The following ST8SIA5 variants were observed in gnomAD, a reference collection of about 807,000 sequenced individuals.
ST8SIA5 encodes the protein ST8 alpha-N-acetyl-neuraminide alpha-2,8-sialyltransferase 5.
In ST8SIA5, 24 loss-of-function variants were observed where a neutral mutation model predicts 40.2. That is an observed-to-expected ratio of 0.60 (90% CI 0.43 to 0.84). ST8SIA5 has a LOEUF of 0.84. Among genes scored for constraint, ST8SIA5 ranks in the 40% least tolerant of loss-of-function variants. The pLI, the probability that ST8SIA5 is intolerant of heterozygous loss-of-function variation, is 0.00. For synonymous variants in ST8SIA5, 198 were observed against 201.8 expected (o/e 0.98, Z 0.16); for missense variants, 465 against 498.5 (o/e 0.93, Z 0.64).
chr18:46,755,383 A>C (rs1189898683), intron 1 of ST8SIA5, among the ~76,000 whole-genome samples: 2 of 152,154 alleles, frequency 1.3e-5, no homozygotes, highest in Non-Finnish European at 2.9e-5. Context: ...CTATCAACCT[A>C]GGGGAGGGGC....
chr18:46,717,348 T>A (rs2039802968), intron 1 of ST8SIA5, among the ~76,000 whole-genome samples: 1 of 152,170 alleles, frequency 6.6e-6, no homozygotes, highest in Non-Finnish European at 1.5e-5. Context: ...CTCTACTTTT[T>A]TTTTTAGACG....
Position 46,728,181 on chromosome 18 carries a change from G to A in ST8SIA5, c.132-23517C>T, listed in dbSNP as rs180982387. ...CTGCACTCCAGCCTGGTGATAGAGC[G>A]AGACTCCATCTCAAAAAAAAAAAAA... On this transcript the variant is annotated intron_variant, in intron 1 of 6. Transcript: ENST00000315087. Among the ~76,000 whole-genome samples, 760 of 148,348 alleles carry A rather than the reference G, an allele frequency of 5.1e-3. 7 individuals carry two copies. Among genetic ancestry groups the A allele is most frequent in the African/African-American group, 0.018 (708 of 40,124 alleles).
At chr18:46,750,756 C>G (rs748637696) in intron 1 of ST8SIA5, among the ~76,000 whole-genome samples, 1 of 152,164 alleles carries the variant, frequency 6.6e-6, no homozygotes, top group Non-Finnish European at 1.5e-5. Context: ...AGAGCCAGCT[C>G]TCCTCTCTCG....
At position 46,756,727 on chromosome 18, in the gene ST8SIA5, A is replaced by T; in HGVS notation, c.-219T>A. ...CGGCAAGCAGGACAGGGCCGGTGGC[A>T]GGGAGCTCTGCCGCGGCCAGGGGCC... is the stretch of plus-strand genomic sequence containing the variant. On this transcript the variant is annotated 5_prime_UTR_variant, in exon 1 of 7. Transcript: ENST00000315087. 1.9e-6 allele frequency: 1 copy of T among 514,108 alleles called. No individual in the cohort carries two copies. Among genetic ancestry groups the T allele is most frequent in the South Asian group, 2.9e-5 (1 of 34,882 alleles). The allele number at this position is 514,108 out of a possible 1,614,324, so 31.8% of individuals were successfully genotyped here.
At chr18:46,745,059 T>C (rs549767837) in intron 1 of ST8SIA5, among the ~76,000 whole-genome samples, 5 of 152,174 alleles carry the variant, frequency 3.3e-5, no homozygotes, top group African/African-American at 1.2e-4. Context: ...GGGACACATT[T>C]AAAGCAGTGT....
intron 1 of ST8SIA5, among the ~76,000 whole-genome samples, chr18:46,725,998 T>TATCCTGG (rs1555696982): frequency 5.7e-5 from 4 of 69,678 alleles, no homozygotes; most frequent in Non-Finnish European, 8.0e-5. Flanking sequence ...TATATATATA[T>TATCCTGG]ATATATATAT....
intron 1 of ST8SIA5, among the ~76,000 whole-genome samples, chr18:46,717,997 G>A (rs1013296168): frequency 3.3e-5 from 5 of 152,160 alleles, no homozygotes; most frequent in Non-Finnish European, 5.9e-5. Flanking sequence ...CTTCCTACTT[G>A]TGCAAAACAC....
At chr18:46,689,754 T>TG (rs1353745575) in intron 3 of ST8SIA5, among the ~76,000 whole-genome samples, 1 of 150,388 alleles carries the variant, frequency 6.6e-6, no homozygotes, top group Non-Finnish European at 1.5e-5. Flanking sequence ...TTTTTTTTTT[T>TG]TTTTTTAGTA....
intron 3 of ST8SIA5, 99 bp downstream of exon 3, chr18:46,692,070 C>A (rs1018643299): frequency 1.6e-6 from 2 of 1,268,330 alleles, no homozygotes; most frequent in Non-Finnish European, 2.3e-6. Flanking sequence ...GGGGAAGATG[C>A]ACGCTGAGAG....
chr18:46,682,215 C>A, intron 5 of ST8SIA5, 151 bp from the exon 6 acceptor site: 1 of 606,692 alleles, frequency 1.6e-6, no homozygotes, highest in Non-Finnish European at 2.9e-6. Flanking sequence ...GGTGATAAGA[C>A]AGTGGTCCTT....
rs570953396 is a variant in ST8SIA5 at position 46,686,182 on chromosome 18, G to A, written c.561C>T (p.Phe187=). 19 of 1,614,120 alleles carry A rather than the reference G, an allele frequency of 1.2e-5. No homozygotes were observed. In the South Asian group the frequency reaches 2.0e-4, roughly 17 times the overall value. ...RCGREINSAD[F]VFRCNLPPIS... ...GCCAGGGTTTCTTTTACCGGAAGAC[G>A]AAGTCGGCGCTGTTGATCTCCCTCC... Residue 187 remains phenylalanine, a synonymous_variant, in exon 5 of 7, where the codon TTC becomes TTT. Transcript: ENST00000315087.
intron 1 of ST8SIA5, among the ~76,000 whole-genome samples, chr18:46,740,167 C>T (rs903313312): frequency 6.6e-6 from 1 of 152,018 alleles, no homozygotes; most frequent in African/African-American, 2.4e-5. Context: ...TTTTAATTGC[C>T]TTATTAAATT....
At chr18:46,734,406 CA>C (rs2040015003) in intron 1 of ST8SIA5, among the ~76,000 whole-genome samples, 1 of 152,042 alleles carries the variant, frequency 6.6e-6, no homozygotes, top group Non-Finnish European at 1.5e-5. Context: ...CACCTCCCCC[CA>C]CCCCTGCTCT....
At chr18:46,717,873 C>T (rs1047455674) in intron 1 of ST8SIA5, among the ~76,000 whole-genome samples, 1 of 151,962 alleles carries the variant, frequency 6.6e-6, no homozygotes. Flanking sequence ...TTATTGAGCA[C>T]CTACTACATA....
At chr18:46,687,339 A>T (rs2039458344) in intron 4 of ST8SIA5, among the ~76,000 whole-genome samples, 1 of 152,222 alleles carries the variant, frequency 6.6e-6, no homozygotes, top group African/African-American at 2.4e-5. Context: ...GGTGAGTAGT[A>T]GTGACAGAGA....
At chr18:46,749,862 A>G (rs1174381825) in intron 1 of ST8SIA5, among the ~76,000 whole-genome samples, 2 of 152,134 alleles carry the variant, frequency 1.3e-5, no homozygotes, top group Non-Finnish European at 2.9e-5. Flanking sequence ...CAGAGAGTGG[A>G]GCAGTCACAA....
At chr18:46,704,784 C>T (rs2039653919) in intron 1 of ST8SIA5, 120 bp from the exon 2 acceptor site, 1 of 821,990 alleles carries the variant, frequency 1.2e-6, no homozygotes, top group East Asian at 2.5e-5. Context: ...CAACCAGCCC[C>T]ATCCCAGCAG....
chr18:46,727,713 C>A (rs948356313), intron 1 of ST8SIA5, among the ~76,000 whole-genome samples: 1 of 152,078 alleles, frequency 6.6e-6, no homozygotes, highest in Non-Finnish European at 1.5e-5. Flanking sequence ...TACAACCTGC[C>A]CAGATATTGT....
chr18:46,700,558 G>A (rs190449118), intron 2 of ST8SIA5, among the ~76,000 whole-genome samples: 1 of 152,284 alleles, frequency 6.6e-6, no homozygotes, highest in Admixed American at 6.5e-5. Flanking sequence ...CCTCAGCTTG[G>A]GGACTCAGGA....
Sources: gnomAD v4.1 joint callset for allele counts (sites outside exome capture counted in the v4.1 genomes callset) on GRCh38, gnomAD v4.1.1 for gene constraint, MANE v1.5 for transcripts, NCBI Gene and HGNC (gene_info 2026-07-23, HGNC 2026-07-21) for gene names.